Variants in TTC13 observed in about 807,000 individuals in gnomAD.
The protein encoded by TTC13 is tetratricopeptide repeat domain 13.
TTC13 carries 62 observed loss-of-function variants against 120.0 expected under a neutral mutation model. The ratio of observed to expected loss-of-function variants is 0.52; its 90% CI spans 0.42 to 0.64. The LOEUF (loss-of-function observed/expected upper bound fraction) is 0.64. Among genes scored for constraint, TTC13 ranks in the 30% least tolerant of loss-of-function variants. The pLI is 0.00. For missense variants in TTC13, 824 were observed against 1,050.2 expected (o/e 0.78, Z 2.98); for synonymous variants, 384 against 393.5 (o/e 0.98, Z 0.28).
chr1:230,931,926 C>T, intron 9 of TTC13, 49 bp from the exon 10 acceptor site: 1 of 1,568,336 alleles, frequency 6.4e-7, no homozygotes, highest in South Asian at 1.1e-5. Flanking sequence ...TTACGGGAAA[C>T]ATACAGAATA....
At chr1:230,937,870 A>G (rs940053330) in intron 8 of TTC13, among the ~76,000 whole-genome samples, 2 of 152,222 alleles carry the variant, frequency 1.3e-5, no homozygotes, top group Non-Finnish European at 2.9e-5. Context: ...TAGACATGGA[A>G]GGAGAAACTG....
Position 230,961,883 on chromosome 1 carries a change from G to C in TTC13, c.272-580C>G, listed in dbSNP as rs1676671588. Reference sequence around the variant, plus strand: ...TAGATTAAAAAAAATCACAAAAGGAGAATAAGCCAAACCAGTGAGACTTAA... The same window carrying C: ...TAGATTAAAAAAAATCACAAAAGGACAATAAGCCAAACCAGTGAGACTTAA... On this transcript the variant is annotated intron_variant, in intron 1 of 22. Coordinates refer to ENST00000366661, the MANE Select transcript of TTC13 (RefSeq NM_024525.5). 2.0e-5 allele frequency among the ~76,000 whole-genome samples: 3 copies of C among 151,968 alleles called. No homozygotes were observed. In the South Asian group the frequency reaches 6.2e-4, roughly 32 times the overall value.
chr1:230,975,747 C>T (rs1381204238), intron 1 of TTC13, among the ~76,000 whole-genome samples: 2 of 152,058 alleles, frequency 1.3e-5, no homozygotes, highest in Admixed American at 1.3e-4. Context: ...AGGAAACATG[C>T]AAAGCTCAAG....
chr1:230,931,330 C>A lies in TTC13; in HGVS notation c.1268G>T (p.Ser423Ile). 1 of 1,614,096 alleles carries A rather than the reference C, an allele frequency of 6.2e-7. No individual in the cohort carries two copies. The highest frequency in any genetic ancestry group is 8.5e-7 in the Non-Finnish European group (1 of 1,180,016). The change falls in exon 11 of 23, where the codon AGC (serine) becomes ATC (isoleucine). Residue 423 changes from serine to isoleucine, a missense_variant. Ser to Ile is a moderately radical substitution (Grantham distance 142). Coordinates refer to ENST00000366661, the MANE Select transcript of TTC13 (RefSeq NM_024525.5). ...LNDPLPGQKA[S>I]PEYLKVKYLR... Reference sequence around the variant, plus strand: ...ATACTTTACTTTAAGATACTCAGGGCTAGCCTTCTGGCCTGGGAGAGGATC... The same window carrying A: ...ATACTTTACTTTAAGATACTCAGGGATAGCCTTCTGGCCTGGGAGAGGATC...
intron 4 of TTC13, among the ~76,000 whole-genome samples, chr1:230,947,931 CTCCT>C (rs1005188726): frequency 2.0e-5 from 3 of 152,150 alleles, no homozygotes; most frequent in Non-Finnish European, 2.9e-5. Flanking sequence ...GCCATCTCAC[CTCCT>C]GAACAGATCA....
intron 1 of TTC13, among the ~76,000 whole-genome samples, chr1:230,974,337 G>A (rs1376651561): frequency 6.6e-6 from 1 of 152,040 alleles, no homozygotes; most frequent in Non-Finnish European, 1.5e-5. Flanking sequence ...GTATTACTGG[G>A]CCCTACTATA....
intron 1 of TTC13, among the ~76,000 whole-genome samples, chr1:230,971,450 A>G (rs1287525305): frequency 6.6e-6 from 1 of 152,142 alleles, no homozygotes; most frequent in Non-Finnish European, 1.5e-5. Flanking sequence ...TGAGAGTGTA[A>G]TAACAGGAAA....
intron 12 of TTC13, among the ~76,000 whole-genome samples, chr1:230,928,680 A>G (rs1673261762): frequency 1.3e-5 from 2 of 152,202 alleles, no homozygotes; most frequent in African/African-American, 4.8e-5. Flanking sequence ...TGTATCTACC[A>G]TTTCATAAGT....
Position 230,923,921 on chromosome 1 carries a change from T to C in TTC13, c.1734A>G (p.Pro578=). The C allele has an allele frequency of 1.2e-6, 2 of 1,613,550 alleles. No individual in the cohort carries two copies. The highest frequency in any genetic ancestry group is 1.7e-6 in the Non-Finnish European group (2 of 1,179,640). Residue 578 remains proline (P), a synonymous_variant, in exon 15 of 23, where the codon CCA becomes CCG. Coordinates refer to ENST00000366661, the MANE Select transcript of TTC13 (RefSeq NM_024525.5). ...IAVKWRRIAD[P]DQPVLWLDQM... ...GATCTAACCACAGCACGGGCTGGTC[T>C]GGGTCAGCAATCCTATAAAACAGAG...
At position 230,929,035 on chromosome 1, in the gene TTC13, A is replaced by G; in HGVS notation, c.1359T>C (p.Asp453=). The part of the protein sequence containing the change: ...LDTPLTEYNI[D]VDLPGSFKDH... ...CCTTAAAGCTTCCAGGCAGATCCAC[A>G]TCAATGTTATATTCCGTAAGGGGGG... Residue 453 remains aspartate (D), a synonymous_variant, in exon 12 of 23, where the codon GAT becomes GAC. Coordinates refer to ENST00000366661, the MANE Select transcript of TTC13 (RefSeq NM_024525.5). 3 of 1,614,236 alleles carry G rather than the reference A, an allele frequency of 1.9e-6. No individual in the cohort carries two copies. The highest frequency in any genetic ancestry group is 1.7e-6 in the Non-Finnish European group (2 of 1,180,044).
intron 20 of TTC13, chr1:230,911,230 T>C: frequency 6.9e-6 from 2 of 287,904 alleles, no homozygotes; most frequent in East Asian, 6.1e-5. Context: ...TGAACTTGTG[T>C]TGAATGGATG....
intron 8 of TTC13, among the ~76,000 whole-genome samples, chr1:230,934,410 CA>C (rs1273602494): frequency 1.3e-5 from 2 of 152,098 alleles, no homozygotes; most frequent in East Asian, 3.8e-4. Flanking sequence ...CAAAACAAAA[CA>C]AAAACCTTAA....
At position 230,955,023 on chromosome 1, in the gene TTC13, G is replaced by A. The variant is rs564210696; in HGVS notation, c.443-620C>T. Among the ~76,000 whole-genome samples, 11 of 152,220 alleles carry A rather than the reference G, an allele frequency of 7.2e-5. No homozygotes were observed. In the South Asian group the frequency reaches 1.0e-3, roughly 14 times the overall value. ...CTAAAGATGAACCACTTTGTATCAC[G>A]TTGTTTAGGAAAGTGGTATTTTGAA... On this transcript the variant is annotated intron_variant, in intron 3 of 22. Coordinates refer to ENST00000366661, the MANE Select transcript of TTC13 (RefSeq NM_024525.5).
chr1:230,971,959 A>G (rs3924319), intron 1 of TTC13, among the ~76,000 whole-genome samples: 33,877 of 152,188 alleles, frequency 0.22, 3,938 homozygotes, highest in East Asian at 0.4. Flanking sequence ...AGACAACATC[A>G]ACTCCACAGG....
At position 230,978,835 on chromosome 1, in the gene TTC13, C is replaced by G. The variant is rs1411342986; in HGVS notation, c.-5G>C. 2.2e-5 allele frequency: 32 copies of G among 1,469,008 alleles called. No individual in the cohort carries two copies. The highest frequency in any genetic ancestry group is 2.7e-5 in the Non-Finnish European group (30 of 1,120,774). 91.0% of individuals were successfully genotyped at this position (1,469,008 alleles called of 1,614,324 possible). ...GCAGCAGCCGGCAGGTGCCATCTTC[C>G]CTCAAGGCGCATGCGCGACAGCCCT... is the stretch of plus-strand genomic sequence containing the variant. On this transcript the variant is annotated 5_prime_UTR_variant, in exon 1 of 23. Coordinates refer to ENST00000366661, the MANE Select transcript of TTC13 (RefSeq NM_024525.5). The surrounding 1 kb of genome is among the most constrained non-coding windows in gnomAD (Gnocchi z 5.6).
At chr1:230,921,602 A>C in intron 15 of TTC13, 98 bp from the exon 16 acceptor site, 1 of 665,884 alleles carries the variant, frequency 1.5e-6, no homozygotes, top group Admixed American at 3.7e-5. Context: ...ATAAGAAACT[A>C]TGAGAATAAT....
At chr1:230,971,987 T>A (rs1213765296) in intron 1 of TTC13, among the ~76,000 whole-genome samples, 2 of 152,188 alleles carry the variant, frequency 1.3e-5, no homozygotes, top group Non-Finnish European at 2.9e-5. Flanking sequence ...GAAACAGAGC[T>A]AGGCACTGAC....
At chr1:230,913,216 C>T (rs552982838) in intron 18 of TTC13, among the ~76,000 whole-genome samples, 1 of 152,290 alleles carries the variant, frequency 6.6e-6, no homozygotes, top group Admixed American at 6.5e-5. Context: ...TGAAGCTCCA[C>T]TGAGGTTCTG....
chr1:230,941,635 C>T (rs974400393), intron 6 of TTC13, among the ~76,000 whole-genome samples: 5 of 152,062 alleles, frequency 3.3e-5, no homozygotes, highest in Admixed American at 6.6e-5. Flanking sequence ...TTATTTCTAC[C>T]GAATTTTATA....
Sources: allele counts gnomAD v4.1 joint callset (sites outside exome capture counted in the v4.1 genomes callset), GRCh38; gene constraint gnomAD v4.1.1; non-coding constraint Gnocchi (gnomAD v3.1); transcripts MANE v1.5; gene names NCBI Gene and HGNC (gene_info 2026-07-23, HGNC 2026-07-21).